ZC3H12B: variants seen among roughly 807,000 people sequenced by gnomAD.
The protein encoded by ZC3H12B is probable ribonuclease ZC3H12B.
Under a neutral mutation model 43.9 loss-of-function variants are expected in ZC3H12B, and 7 were observed. That is an observed-to-expected ratio of 0.16 (90% CI 0.09 to 0.30). ZC3H12B has a LOEUF of 0.30. Ranked by LOEUF, ZC3H12B falls within the 10% of genes least tolerant of loss-of-function variation. The pLI is 1.00. For synonymous variants in ZC3H12B, 222 were observed against 241.7 expected, an observed-to-expected ratio of 0.92 and a Z score of 0.76; for missense variants, 475 against 670.2, an observed-to-expected ratio of 0.71 and a Z score of 3.22.
intron 2 of ZC3H12B, among the ~76,000 whole-genome samples, chrX:65,380,974 A>G (rs2148007886): frequency 9.0e-6 from 1 of 111,547 alleles, no homozygotes; most frequent in South Asian, 3.8e-4. Flanking sequence ...GTGACCTGCA[A>G]AGAGACTTAG....
At chrX:65,248,370 C>T in the ZC3H12B span, among the ~76,000 whole-genome samples, 1 of 111,371 alleles carries the variant, frequency 9.0e-6, no homozygotes, top group South Asian at 3.8e-4. Flanking sequence ...AAGCTTCCTT[C>T]ATCAGGTATT....
chrX:65,211,728 GTAA>G, the ZC3H12B span, among the ~76,000 whole-genome samples: 703 of 80,776 alleles, frequency 8.7e-3, 3 homozygotes, highest in Non-Finnish European at 0.01. Context: ...ATATTTTTAT[GTAA>G]TAATATATAT....
At chrX:65,154,303 G>C in the ZC3H12B span, among the ~76,000 whole-genome samples, 3 of 111,926 alleles carry the variant, frequency 2.7e-5, no homozygotes, top group African/African-American at 9.7e-5. Flanking sequence ...TACATCTTTT[G>C]TTAAATTTTT....
At chrX:65,108,615 C>T in the ZC3H12B span, among the ~76,000 whole-genome samples, 1 of 78,831 alleles carries the variant, frequency 1.3e-5, no homozygotes. Context: ...GGAGGACTTG[C>T]CTGAGGCTGT....
At chrX:65,151,617 T>C in the ZC3H12B span, among the ~76,000 whole-genome samples, 1 of 111,758 alleles carries the variant, frequency 8.9e-6, no homozygotes, top group Non-Finnish European at 1.9e-5. Context: ...AAGGTATAAC[T>C]TTGTGGTTTT....
At chrX:65,408,173 G>A in intron 3 of ZC3H12B, 1 of 1,202,555 alleles carries the variant, frequency 8.3e-7, no homozygotes. Context: ...CCGGATTAAA[G>A]AGGAATTCCA....
At chrX:65,042,382 A>C in the ZC3H12B span, among the ~76,000 whole-genome samples, 2 of 112,583 alleles carry the variant, frequency 1.8e-5, no homozygotes, top group Admixed American at 1.9e-4. Flanking sequence ...AATTAGTGAA[A>C]TCTATTTGAT....
At chrX:65,384,270 C>T (rs1780674960) in intron 2 of ZC3H12B, among the ~76,000 whole-genome samples, 1 of 106,159 alleles carries the variant, frequency 9.4e-6, no homozygotes, top group Admixed American at 1.0e-4. Context: ...ATCACAAGAA[C>T]AAAAAACCAA....
chrX:65,212,047 A>G, the ZC3H12B span, among the ~76,000 whole-genome samples: 17 of 64,002 alleles, frequency 2.7e-4, no homozygotes, highest in Non-Finnish European at 3.9e-4. Context: ...AATGTATAAT[A>G]TATAATATAT....
the ZC3H12B span, among the ~76,000 whole-genome samples, chrX:65,043,695 A>G: frequency 9.0e-6 from 1 of 111,657 alleles, no homozygotes; most frequent in Non-Finnish European, 1.9e-5. Context: ...CAATTTCCCC[A>G]TGTCAATACA....
the ZC3H12B span, among the ~76,000 whole-genome samples, chrX:65,127,026 A>G: frequency 9.0e-6 from 1 of 110,702 alleles, no homozygotes; most frequent in Non-Finnish European, 1.9e-5. Flanking sequence ...CTTGTTTTGG[A>G]TCCATTGCTG....
chrX:65,062,187 G>C, the ZC3H12B span, among the ~76,000 whole-genome samples: 10 of 112,059 alleles, frequency 8.9e-5, no homozygotes, highest in East Asian at 2.8e-3. Flanking sequence ...GTCAATTTTG[G>C]CTTTTGTTGC....
chrX:65,195,371 C>G, the ZC3H12B span, among the ~76,000 whole-genome samples: 6 of 111,290 alleles, frequency 5.4e-5, no homozygotes, highest in African/African-American at 1.3e-4. Context: ...CTTGCAAATA[C>G]CTGTAACCCA....
chrX:65,356,090 G>T, the ZC3H12B span, among the ~76,000 whole-genome samples: 1 of 112,033 alleles, frequency 8.9e-6, no homozygotes, highest in Non-Finnish European at 1.9e-5. Flanking sequence ...AAAAATCCTA[G>T]TGAAATGGAT....
intron 1 of ZC3H12B, among the ~76,000 whole-genome samples, chrX:65,495,995 T>A (rs1337059805): frequency 8.9e-6 from 1 of 111,798 alleles, no homozygotes; most frequent in African/African-American, 3.3e-5. Context: ...GCCTGAGCCA[T>A]CGCACCCAGC....
chrX:65,194,246 G>A, the ZC3H12B span, among the ~76,000 whole-genome samples: 2 of 79,344 alleles, frequency 2.5e-5, no homozygotes, highest in Non-Finnish European at 4.8e-5. Context: ...ATCTTCTTTG[G>A]GGTGGGGGGA....
chrX:65,499,228 T>G, exon 3 of ZC3H12B: 1 of 1,190,632 alleles, frequency 8.4e-7, no homozygotes, highest in Non-Finnish European at 1.1e-6. Flanking sequence ...CTTTTGTGAA[T>G]GACAAGTGCG....
the ZC3H12B span, among the ~76,000 whole-genome samples, chrX:65,283,420 G>T: frequency 8.9e-6 from 1 of 111,957 alleles, no homozygotes; most frequent in Non-Finnish European, 1.9e-5. Flanking sequence ...GCACAAGACA[G>T]GGATGCCCTC....
the ZC3H12B span, among the ~76,000 whole-genome samples, chrX:65,073,855 C>T: frequency 9.0e-6 from 1 of 111,464 alleles, no homozygotes; most frequent in African/African-American, 3.3e-5. Flanking sequence ...GCACTGTAGC[C>T]CTGTGCAGGG....
Sources: allele counts gnomAD v4.1 joint callset (sites outside exome capture counted in the v4.1 genomes callset), GRCh38; gene constraint gnomAD v4.1.1; transcripts MANE v1.5; gene names NCBI Gene and HGNC (gene_info 2026-07-23, HGNC 2026-07-21).